Variants in ACSS1 observed in about 807,000 individuals in gnomAD.
ACSS1 encodes acetyl-coenzyme A synthetase 2-like, mitochondrial.
ACSS1 carries 42 observed loss-of-function variants against 75.3 expected under a neutral mutation model. That is an observed-to-expected ratio of 0.56 (90% CI 0.44 to 0.72). The LOEUF (loss-of-function observed/expected upper bound fraction) is 0.72, where lower values mean the gene tolerates loss of function less well. ACSS1 is among the 30% of genes least tolerant of loss of function. The pLI, the probability that ACSS1 is intolerant of heterozygous loss-of-function variation, is 0.00. For synonymous variants in ACSS1, 380 were observed against 376.8 expected (o/e 1.01, Z -0.10); for missense variants, 782 against 935.7 (o/e 0.84, Z 2.14).
chr20:25,049,712 A>G (rs2089150262), intron 1 of ACSS1, among the ~76,000 whole-genome samples: 1 of 152,116 alleles, frequency 6.6e-6, no homozygotes, highest in African/African-American at 2.4e-5. Flanking sequence ...CGCCCGCACC[A>G]CCAGCATCTC....
At chr20:25,035,264 C>T (rs1027757322) in intron 2 of ACSS1, among the ~76,000 whole-genome samples, 5 of 152,148 alleles carry the variant, frequency 3.3e-5, no homozygotes, top group African/African-American at 7.2e-5. Context: ...CCTGCACCCT[C>T]CCAACTCCTA....
intron 7 of ACSS1, among the ~76,000 whole-genome samples, chr20:25,016,357 C>G (rs2088515871): frequency 6.6e-6 from 1 of 152,192 alleles, no homozygotes; most frequent in African/African-American, 2.4e-5. Context: ...AAGTTGAACA[C>G]TTAACATCTG....
intron 2 of ACSS1, among the ~76,000 whole-genome samples, chr20:25,034,413 T>C (rs2088875311): frequency 6.6e-6 from 1 of 152,152 alleles, no homozygotes; most frequent in Admixed American, 6.5e-5. Context: ...CTCATCCTCT[T>C]GGAAGCTTTT....
rs1313678737 is a variant in ACSS1, at chr20:25,007,067, A to T, written c.*695T>A. The T allele has an allele frequency of 2.1e-6, 3 of 1,447,278 alleles. No homozygotes were observed. The highest frequency in any genetic ancestry group is 1.4e-5 in the African/African-American group (1 of 70,128). 89.7% of individuals were successfully genotyped at this position (1,447,278 alleles called of 1,614,324 possible). ...CGCTTAGGAGTTAGCTCCATTATACACAACCAAGCACAGGAGAAACACTCA... is the reference window on the plus strand; with the variant it reads ...CGCTTAGGAGTTAGCTCCATTATACTCAACCAAGCACAGGAGAAACACTCA... On this transcript the variant is annotated 3_prime_UTR_variant, in exon 14 of 14. Transcript: ENST00000323482.
intron 7 of ACSS1, among the ~76,000 whole-genome samples, chr20:25,016,364 TC>T (rs1600311188): frequency 6.6e-6 from 1 of 152,180 alleles, no homozygotes; most frequent in African/African-American, 2.4e-5. Flanking sequence ...ACACTTAACA[TC>T]TGTACCCTTT....
chr20:25,015,128 G>A lies in ACSS1; in HGVS notation c.1339+10C>T, dbSNP rs777133558. 18 of 1,604,242 alleles carry A rather than the reference G, an allele frequency of 1.1e-5. No individual in the cohort carries two copies. The highest frequency in any genetic ancestry group is 3.4e-5 in the Admixed American group (2 of 59,278). On this transcript the variant is annotated intron_variant, in intron 8 of 13. Coordinates refer to ENST00000323482, the MANE Select transcript of ACSS1 (RefSeq NM_032501.4). The stretch of plus-strand genomic sequence containing the variant: ...ACTTAGACCGGAACCTGTTCCCCAG[G>A]CCTCCTCACCTGTCTGCCACCAGGT...
At chr20:25,025,147 C>T (rs62217174) in intron 3 of ACSS1, among the ~76,000 whole-genome samples, 18,774 of 152,284 alleles carry the variant, frequency 0.12, 1,419 homozygotes, top group Middle Eastern at 0.22. Flanking sequence ...GAAGCTCTCA[C>T]GATACAATGA....
intron 1 of ACSS1, among the ~76,000 whole-genome samples, chr20:25,052,158 G>A (rs1362899150): frequency 6.6e-6 from 1 of 152,170 alleles, no homozygotes; most frequent in Non-Finnish European, 1.5e-5. Flanking sequence ...GAAAGGAGGG[G>A]GAGGAAGGAG....
chr20:25,050,060 A>G (rs1411478130), intron 1 of ACSS1, among the ~76,000 whole-genome samples: 2 of 152,140 alleles, frequency 1.3e-5, no homozygotes, highest in Non-Finnish European at 2.9e-5. Flanking sequence ...AAGGAGATGG[A>G]AAAACAACAC....
intron 2 of ACSS1, chr20:25,032,233 C>T: frequency 1.3e-6 from 1 of 797,680 alleles, no homozygotes; most frequent in Admixed American, 4.1e-5. Flanking sequence ...ACCAGGTTCA[C>T]CCACCACTCA....
chr20:25,024,837 C>T (rs2088687977), intron 3 of ACSS1, among the ~76,000 whole-genome samples: 1 of 152,204 alleles, frequency 6.6e-6, no homozygotes, highest in Admixed American at 6.5e-5. Flanking sequence ...AATTTTCCAG[C>T]ACACACAGCA....
In ACSS1 at chr20:25,020,141, T is replaced by G; in HGVS notation, c.1115A>C (p.Tyr372Ser). Reference protein sequence around the residue: ...STPVYPNAGRYWETVERLKIN... With the variant: ...STPVYPNAGRSWETVERLKIN... ...CTTCAACCTCTCTACTGTCTCCCAG[T>G]ACCGACCTACAGAAAGGCCGAAATT... is the stretch of plus-strand genomic sequence containing the variant. The change falls in exon 7 of 14, where the codon TAC becomes TCC. Residue 372 changes from tyrosine to serine, a missense_variant. Tyr to Ser is a moderately radical substitution (Grantham distance 144). This residue lies in a region of ACSS1 where 405 missense variants were observed against 552.6 expected (regional missense o/e 0.73). Coordinates refer to ENST00000323482, the MANE Select transcript of ACSS1 (RefSeq NM_032501.4). 6.2e-7 allele frequency: 1 copy of G among 1,614,178 alleles called. No individual in the cohort carries two copies. The highest frequency in any genetic ancestry group is 8.5e-7 in the Non-Finnish European group (1 of 1,179,990).
At chr20:25,013,922 C>A (rs369748334) in intron 9 of ACSS1, 39 bp downstream of exon 9, 13 of 1,584,410 alleles carry the variant, frequency 8.2e-6, no homozygotes, top group Non-Finnish European at 1.1e-5. Context: ...CAAGGGAGGG[C>A]AAGCACATGA....
intron 7 of ACSS1, among the ~76,000 whole-genome samples, chr20:25,016,752 C>G (rs2088523874): frequency 6.6e-6 from 1 of 152,258 alleles, no homozygotes; most frequent in Admixed American, 6.5e-5. Flanking sequence ...GGGCTGTGAC[C>G]ACACAAGCCA....
At chr20:25,021,145 G>A (rs901620731) in intron 6 of ACSS1, among the ~76,000 whole-genome samples, 2 of 152,262 alleles carry the variant, frequency 1.3e-5, no homozygotes, top group Non-Finnish European at 2.9e-5. Context: ...GAGGGCAGGA[G>A]TGCAGGAGCA....
chr20:25,028,286 C>A (rs995358714), intron 3 of ACSS1, among the ~76,000 whole-genome samples: 2 of 152,066 alleles, frequency 1.3e-5, no homozygotes, highest in African/African-American at 2.4e-5. Context: ...TACAAGAAAG[C>A]AAGAAGAGCC....
intron 12 of ACSS1, 37 bp from the exon 13 acceptor site, chr20:25,009,425 CT>C: frequency 6.4e-7 from 1 of 1,563,146 alleles, no homozygotes; most frequent in East Asian, 2.2e-5. Flanking sequence ...GTATTAAATA[CT>C]AGACAAGGAG....
intron 2 of ACSS1, among the ~76,000 whole-genome samples, chr20:25,041,922 G>A (rs1297978160): frequency 6.6e-6 from 1 of 152,174 alleles, no homozygotes; most frequent in Admixed American, 6.5e-5. Flanking sequence ...GAGGAAGGAC[G>A]CCAGACTCCA....
intron 6 of ACSS1, among the ~76,000 whole-genome samples, chr20:25,020,993 C>T (rs1332456838): frequency 2.0e-5 from 3 of 152,238 alleles, no homozygotes; most frequent in African/African-American, 7.2e-5. Flanking sequence ...TGAGGGACAG[C>T]CCTGAAGGCT....
Sources: gnomAD v4.1 joint callset for allele counts (sites outside exome capture counted in the v4.1 genomes callset) on GRCh38, gnomAD v4.1.1 for gene constraint, gnomAD v4.1.1 regional missense constraint, MANE v1.5 for transcripts, NCBI Gene and HGNC (gene_info 2026-07-23, HGNC 2026-07-21) for gene names.